RGS5: variants seen among roughly 807,000 people sequenced by gnomAD.
RGS5 encodes regulator of G-protein signalling 5.
In RGS5, 20 loss-of-function variants were observed where a neutral mutation model predicts 18.9. The observed-to-expected ratio is 1.06, with a 90% CI of 0.74 to 1.54. The LOEUF is 1.54. Among genes scored for constraint, RGS5 ranks in the 40% most tolerant of loss-of-function variants. RGS5 has a pLI of 0.00. For missense variants in RGS5, 201 were observed against 211.8 expected (o/e 0.95, Z 0.32); for synonymous variants, 57 against 76.2 (o/e 0.75, Z 1.31).
rs35043833 is a variant in RGS5, at chr1:163,280,626, T to TA, written c.-281+25606dup. The stretch of plus-strand genomic sequence containing the variant: ...AAATAAATTAAGAGCACAAAAAAAG[T>TA]AAAAAAAACTTCCCATGATCATGGA... On this transcript the variant is annotated intron_variant, in intron 2 of 5. Coordinates refer to the RGS5 transcript ENST00000618415. Among the ~76,000 whole-genome samples, 7 of 151,418 alleles carry TA rather than the reference T, an allele frequency of 4.6e-5. 1 individual carries two copies. The highest frequency in any genetic ancestry group is 4.2e-4 in the South Asian group (2 of 4,812).
intron 1 of RGS5, among the ~76,000 whole-genome samples, chr1:163,312,029 C>G (rs1033533924): frequency 6.6e-6 from 1 of 152,224 alleles, no homozygotes; most frequent in Non-Finnish European, 1.5e-5. Flanking sequence ...TGTCTCCACT[C>G]AAATCTCATC....
intron 2 of RGS5, among the ~76,000 whole-genome samples, chr1:163,282,383 C>A (rs1458297395): frequency 1.3e-5 from 2 of 152,024 alleles, no homozygotes; most frequent in African/African-American, 4.8e-5. Context: ...AATGAGATAT[C>A]ATCTCCCCCC....
rs542883581 is a variant in RGS5 at position 163,245,657 on chromosome 1, G to A, written c.-281+60576C>T. On this transcript the variant is annotated intron_variant, in intron 2 of 5. Transcript: ENST00000618415. ...ACTTAGTACCTGTGTAAATTTAGAT[G>A]TATTATTTTACCTCTTTGAATTCCT... Among the ~76,000 whole-genome samples the A allele has an allele frequency of 5.3e-5, 8 of 152,228 alleles. 1 individual carries two copies. The highest frequency in any genetic ancestry group is 1.9e-4 in the African/African-American group (8 of 41,542).
chr1:163,242,345 C>A (rs1647813059), intron 2 of RGS5, among the ~76,000 whole-genome samples: 1 of 152,072 alleles, frequency 6.6e-6, no homozygotes, highest in African/African-American at 2.4e-5. Context: ...TTCAAGTTAA[C>A]CAACATTTTC....
At chr1:163,265,761 A>C (rs1361365423) in intron 2 of RGS5, among the ~76,000 whole-genome samples, 1 of 151,960 alleles carries the variant, frequency 6.6e-6, no homozygotes, top group Non-Finnish European at 1.5e-5. Context: ...TCTTTCTCTA[A>C]AACTTTTCCA....
intron 1 of RGS5, among the ~76,000 whole-genome samples, chr1:163,181,001 C>G (rs144729498): frequency 6.6e-6 from 1 of 152,100 alleles, no homozygotes; most frequent in Non-Finnish European, 1.5e-5. Context: ...CCCCCCTGTT[C>G]TTATCCCTAG....
Position 163,202,792 on chromosome 1 carries a change from C to A in RGS5, c.44G>T (p.Arg15Met). Reference sequence around the variant, plus strand: ...TAAACAAAAATAACTTGGTTCTCACCTTTCCAGGCATGAGTGGGGCAAAGC... The same window carrying A: ...TAAACAAAAATAACTTGGTTCTCACATTTCCAGGCATGAGTGGGGCAAAGC... Reference protein sequence around the residue: ...LAALPHSCLERAKEIKIKLGI... With the variant: ...LAALPHSCLEMAKEIKIKLGI... Residue 15 changes from arginine (R) to methionine (M), a missense_variant and splice_region_variant, in exon 1 of 5, where the codon AGG becomes ATG. Transcript: ENST00000313961. 6.2e-7 allele frequency: 1 copy of A among 1,613,396 alleles called. No homozygotes were observed. The highest frequency in any genetic ancestry group is 8.5e-7 in the Non-Finnish European group (1 of 1,179,564).
chr1:163,202,897 T>G lies in RGS5; in HGVS notation c.-62A>C, dbSNP rs1271663772. ...ACTTCTTAACAGCAGAGCCAGTCTTTGAAAACTTCAAAACTGTCTGGGATG... is the reference window on the plus strand; with the variant it reads ...ACTTCTTAACAGCAGAGCCAGTCTTGGAAAACTTCAAAACTGTCTGGGATG... On this transcript the variant is annotated 5_prime_UTR_variant, in exon 1 of 5. Coordinates refer to ENST00000313961, the MANE Select transcript of RGS5 (RefSeq NM_003617.4). The G allele has an allele frequency of 1.5e-5, 23 of 1,535,110 alleles. 1 individual carries two copies. Among genetic ancestry groups the G allele is most frequent in the Non-Finnish European group, 3.6e-6 (4 of 1,110,682 alleles).
At chr1:163,297,390 G>C (rs1649447245) in intron 2 of RGS5, among the ~76,000 whole-genome samples, 1 of 152,126 alleles carries the variant, frequency 6.6e-6, no homozygotes, top group Non-Finnish European at 1.5e-5. Context: ...GTGTAGGAGA[G>C]CTATGTTTTC....
At chr1:163,198,053 T>C (rs947000202) in intron 1 of RGS5, among the ~76,000 whole-genome samples, 4 of 152,136 alleles carry the variant, frequency 2.6e-5, no homozygotes, top group African/African-American at 7.2e-5. Flanking sequence ...TAGTCCTGCT[T>C]ATTAGCTGCC....
chr1:163,311,076 C>T (rs1013186576), intron 1 of RGS5, among the ~76,000 whole-genome samples: 2 of 152,168 alleles, frequency 1.3e-5, no homozygotes, highest in African/African-American at 4.8e-5. Flanking sequence ...GATTATAATT[C>T]AAGACCAGAT....
At chr1:163,218,319 G>T (rs1422035193), upstream of RGS5, among the ~76,000 whole-genome samples, 1 of 152,054 alleles carries the variant, frequency 6.6e-6, no homozygotes, top group Non-Finnish European at 1.5e-5. Context: ...CCCACAGATG[G>T]ATATTTGTAA....
At chr1:163,163,101 C>T (rs557858241) in intron 2 of RGS5, among the ~76,000 whole-genome samples, 1 of 151,142 alleles carries the variant, frequency 6.6e-6, no homozygotes, top group Non-Finnish European at 1.5e-5. Flanking sequence ...GCTGCTTGTT[C>T]TACTTTTCAT....
intron 1 of RGS5, chr1:163,319,389 A>G (rs940483285): frequency 3.9e-5 from 6 of 152,232 alleles, no homozygotes; most frequent in Non-Finnish European, 2.9e-5. Context: ...CACCTTTAAG[A>G]CCACTCTGGT....
intron 2 of RGS5, among the ~76,000 whole-genome samples, chr1:163,231,213 A>C (rs1303449052): frequency 6.6e-6 from 1 of 152,194 alleles, no homozygotes; most frequent in Non-Finnish European, 1.5e-5. Context: ...AAAATGAAAA[A>C]CATTACCTCT....
upstream of RGS5, among the ~76,000 whole-genome samples, chr1:163,203,303 C>T (rs553971699): frequency 6.6e-6 from 1 of 152,216 alleles, no homozygotes; most frequent in African/African-American, 2.4e-5. Flanking sequence ...ATCGTTTAGC[C>T]CACTTTGTTT....
chr1:163,149,527 G>A (rs969383157), intron 4 of RGS5, among the ~76,000 whole-genome samples: 1 of 152,096 alleles, frequency 6.6e-6, no homozygotes, highest in Non-Finnish European at 1.5e-5. Flanking sequence ...ATTTTTATGT[G>A]CTTAAGCCTT....
intron 2 of RGS5, among the ~76,000 whole-genome samples, chr1:163,224,913 A>G (rs1454874869): frequency 2.0e-5 from 3 of 152,010 alleles, no homozygotes; most frequent in Non-Finnish European, 4.4e-5. Flanking sequence ...AGTTTCTTAT[A>G]TATTCTGGAT....
upstream of RGS5, among the ~76,000 whole-genome samples, chr1:163,219,284 A>G (rs1269539670): frequency 6.6e-6 from 1 of 152,090 alleles, no homozygotes; most frequent in Non-Finnish European, 1.5e-5. Flanking sequence ...TAGTATGTTG[A>G]CTGTAAAAAA....
Sources: gnomAD v4.1 joint callset for allele counts (sites outside exome capture counted in the v4.1 genomes callset) on GRCh38, gnomAD v4.1.1 for gene constraint, MANE v1.5 for transcripts, NCBI Gene and HGNC (gene_info 2026-07-23, HGNC 2026-07-21) for gene names.